The following ANO4 variants were observed in gnomAD, a reference collection of about 807,000 sequenced individuals.
ANO4 encodes anoctamin 4.
ANO4 carries 69 observed loss-of-function variants against 141.9 expected under a neutral mutation model. That is an observed-to-expected ratio of 0.49 (90% CI 0.40 to 0.59). The LOEUF is 0.59. ANO4 is among the 20% of genes least tolerant of loss of function. The probability of loss-of-function intolerance (pLI) is 0.00; values close to 1 mark genes in which losing one functional copy is unlikely to be tolerated. For synonymous variants in ANO4, 350 were observed against 394.3 expected, an observed-to-expected ratio of 0.89 and a Z score of 1.33; for missense variants, 894 against 1,162.2, an observed-to-expected ratio of 0.77 and a Z score of 3.36.
At chr12:100,853,842 C>T (rs1399446) in intron 1 of ANO4, among the ~76,000 whole-genome samples, 121,101 of 152,008 alleles carry the variant, frequency 0.8, 48,388 homozygotes, top group Admixed American at 0.86. Context: ...CCCATTCTTA[C>T]ATATAATATT....
intron 23 of ANO4, among the ~76,000 whole-genome samples, chr12:101,110,912 G>C (rs2050639085): frequency 6.6e-6 from 1 of 152,190 alleles, no homozygotes; most frequent in Non-Finnish European, 1.5e-5. Flanking sequence ...ATGTTTGCCT[G>C]ATTTACATGA....
chr12:101,081,733 G>C (rs1260120394), intron 15 of ANO4, among the ~76,000 whole-genome samples: 1 of 152,142 alleles, frequency 6.6e-6, no homozygotes, highest in Non-Finnish European at 1.5e-5. Flanking sequence ...TCCAAGCCAA[G>C]GTGTCAGCAG....
In ANO4 at chr12:101,010,573, C is replaced by T. The variant is rs185885922; in HGVS notation, c.735-9461C>T. Among the ~76,000 whole-genome samples the T allele has an allele frequency of 3.7e-4, 57 of 152,212 alleles. 1 individual carries two copies. The South Asian group carries it at 7.5e-3, about 20-fold the overall frequency. On this transcript the variant is annotated intron_variant, in intron 8 of 27. Transcript: ENST00000392977. ...CTGCAGTTGCCTAAGGCCCAGAAAA[C>T]GCTCAAAATAGGCCTTGTCACATAA...
chr12:100,813,502 T>C (rs1204047900), intron 1 of ANO4, among the ~76,000 whole-genome samples: 1 of 152,174 alleles, frequency 6.6e-6, no homozygotes, highest in Non-Finnish European at 1.5e-5. Context: ...CAGATCTTAC[T>C]ATAGTGCATT....
chr12:100,829,811 CCT>C (rs2036545743), intron 1 of ANO4, among the ~76,000 whole-genome samples: 2 of 152,016 alleles, frequency 1.3e-5, no homozygotes, highest in South Asian at 4.1e-4. Context: ...AATGCCAAGA[CCT>C]AATTCTTTGT....
At chr12:101,127,817 A>G (rs1456116295) in intron 27 of ANO4, 44 bp from the exon 28 acceptor site, 1 of 152,636 alleles carries the variant, frequency 6.6e-6, no homozygotes, top group East Asian at 1.9e-4. Flanking sequence ...TTTTAAAGCA[A>G]TTGTGTATGC....
At chr12:100,919,736 G>GTC (rs2041535474) in intron 2 of ANO4, among the ~76,000 whole-genome samples, 1,500 of 132,682 alleles carry the variant, frequency 0.011, 14 homozygotes, top group Non-Finnish European at 0.015. Context: ...GTGTATGTAT[G>GTC]TATCTATCTA....
chr12:100,823,917 A>G (rs2036192894), intron 1 of ANO4, among the ~76,000 whole-genome samples: 1 of 152,214 alleles, frequency 6.6e-6, no homozygotes, highest in African/African-American at 2.4e-5. Flanking sequence ...TAGTTCACAT[A>G]TAGCAAAGAT....
intron 1 of ANO4, among the ~76,000 whole-genome samples, chr12:100,899,927 C>T (rs2040511911): frequency 6.6e-6 from 1 of 152,128 alleles, no homozygotes. Context: ...GGCTAATGAA[C>T]TTGCCTAGAA....
rs778600135 is a variant in ANO4 at position 101,039,984 on chromosome 12, A to G, written c.927A>G (p.Arg309=). The change falls in exon 11 of 28, where the codon CGA becomes CGG. Residue 309 remains arginine (R), a synonymous_variant. Coordinates refer to ENST00000392977, the MANE Select transcript of ANO4 (RefSeq NM_001286615.2). The stretch of plus-strand genomic sequence containing the variant: ...GTTATAGAAGTAAAAACTCCATTCG[A>G]ACCCATGGAGCAGAAAACCACCGAC... ...EGSYRSKNSI[R]THGAENHRHL... is the part of the protein sequence containing the mutation. 6.3e-7 allele frequency: 1 copy of G among 1,576,634 alleles called. No homozygotes were observed.
In ANO4 at chr12:101,042,368, G is replaced by T; in HGVS notation, c.1054G>T (p.Ala352Ser). 2 of 1,614,156 alleles carry T rather than the reference G, an allele frequency of 1.2e-6. No homozygotes were observed. Among genetic ancestry groups the T allele is most frequent in the Non-Finnish European group, 1.7e-6 (2 of 1,180,018 alleles). Residue 352 changes from alanine (A) to serine (S), a missense_variant, in exon 12 of 28, where the codon GCC becomes TCC. Ala to Ser is a moderately conservative substitution (Grantham distance 99, BLOSUM62 1). Coordinates refer to ENST00000392977, the MANE Select transcript of ANO4 (RefSeq NM_001286615.2). Reference sequence around the variant, plus strand: ...TGGAGAGAAGATTGGGTTATATTTTGCCTGGTTGGGCTGGTACACCGGCAT... The same window carrying T: ...TGGAGAGAAGATTGGGTTATATTTTTCCTGGTTGGGCTGGTACACCGGCAT... The part of the protein sequence containing the change: ...YFGEKIGLYF[A>S]WLGWYTGMLF...
intron 7 of ANO4, among the ~76,000 whole-genome samples, chr12:100,981,958 T>A (rs11835675): frequency 6.6e-6 from 1 of 152,136 alleles, no homozygotes; most frequent in South Asian, 2.1e-4. Flanking sequence ...AAGACCAAAC[T>A]TGGGAAGCCA....
chr12:100,761,261 C>T (rs1022147548), intron 3 of ANO4, among the ~76,000 whole-genome samples: 9 of 152,200 alleles, frequency 5.9e-5, no homozygotes, highest in African/African-American at 2.2e-4. Flanking sequence ...GCCTATGTCT[C>T]ATCTCTTGGG....
intron 1 of ANO4, among the ~76,000 whole-genome samples, chr12:100,840,968 T>C (rs1171213696): frequency 6.6e-6 from 1 of 152,144 alleles, no homozygotes. Context: ...CAGGATCTTT[T>C]AGGCATGCCT....
At chr12:101,089,859 G>A (rs1214304449) in intron 17 of ANO4, among the ~76,000 whole-genome samples, 2 of 152,086 alleles carry the variant, frequency 1.3e-5, no homozygotes, top group African/African-American at 4.8e-5. Flanking sequence ...CTGACAAGGG[G>A]CTAATATCCA....
intron 3 of ANO4, among the ~76,000 whole-genome samples, chr12:100,754,497 A>G (rs893750395): frequency 2.0e-5 from 3 of 151,828 alleles, no homozygotes; most frequent in Non-Finnish European, 4.4e-5. Context: ...ATAAGCCATC[A>G]TGGACTTGGT....
chr12:100,905,206 G>A (rs1226393203), intron 2 of ANO4, among the ~76,000 whole-genome samples: 1 of 152,160 alleles, frequency 6.6e-6, no homozygotes, highest in African/African-American at 2.4e-5. Context: ...ATTGGTCTGT[G>A]AAAGAGATAT....
At chr12:100,750,387 A>G (rs4764991) in intron 3 of ANO4, among the ~76,000 whole-genome samples, 51,746 of 149,872 alleles carry the variant, frequency 0.35, 9,611 homozygotes, top group Admixed American at 0.46. Flanking sequence ...CAAGTTATCC[A>G]CCTGCCTCGG....
At chr12:101,097,995 C>G (rs756746755) in intron 21 of ANO4, 50 bp downstream of exon 21, 1 of 1,535,180 alleles carries the variant, frequency 6.5e-7, no homozygotes, top group Admixed American at 1.7e-5. Context: ...TCATTATTGG[C>G]TTTTCTAGGT....
Sources: allele counts gnomAD v4.1 joint callset (sites outside exome capture counted in the v4.1 genomes callset), GRCh38; gene constraint gnomAD v4.1.1; transcripts MANE v1.5; gene names NCBI Gene and HGNC (gene_info 2026-07-23, HGNC 2026-07-21).